CC2D2B: variants seen among roughly 807,000 people sequenced by gnomAD.
The protein encoded by CC2D2B is coiled-coil and C2 domain containing 2B, also known as protein CC2D2B.
CC2D2B carries 128 observed loss-of-function variants against 161.2 expected under a neutral mutation model. That is an observed-to-expected ratio of 0.79 (90% CI 0.69 to 0.92). The LOEUF is 0.92. Ranked by LOEUF, CC2D2B falls within the 40% of genes least tolerant of loss-of-function variation. The pLI is 0.00. For missense variants in CC2D2B, 1,173 were observed against 1,375.1 expected, an observed-to-expected ratio of 0.85 and a Z score of 2.32; for synonymous variants, 391 against 449.8, an observed-to-expected ratio of 0.87 and a Z score of 1.65.
chr10:95,915,084 G>A (rs1264344922), intron 2 of CC2D2B, among the ~76,000 whole-genome samples: 1 of 151,976 alleles, frequency 6.6e-6, no homozygotes, highest in Non-Finnish European at 1.5e-5. Context: ...ATCCTCTTCA[G>A]TTTCTTGCAT....
intron 24 of CC2D2B, among the ~76,000 whole-genome samples, chr10:95,996,535 G>GTATTACCAA: frequency 6.6e-6 from 1 of 152,018 alleles, no homozygotes. Flanking sequence ...ACCTTAGAAG[G>GTATTACCAA]CCCTTTGTGC....
Position 96,024,844 on chromosome 10 carries a change from C to A in CC2D2B, c.3889-9C>A. 1 of 1,466,004 alleles carries A rather than the reference C, an allele frequency of 6.8e-7. No individual in the cohort carries two copies. Among genetic ancestry groups the A allele is most frequent in the Non-Finnish European group, 9.3e-7 (1 of 1,072,258 alleles). The allele number at this position is 1,466,004 out of a possible 1,614,324, so 90.8% of individuals were successfully genotyped here. On this transcript the variant is annotated splice_polypyrimidine_tract_variant and intron_variant, in intron 32 of 34. Transcript: ENST00000646931. The stretch of plus-strand genomic sequence containing the variant: ...TAGAATCTATTCTAACTTTGGTTGT[C>A]TATTTCAGCCTGAAGAAATAATTTA...
intron 33 of CC2D2B, among the ~76,000 whole-genome samples, chr10:96,025,363 C>CAAAA (rs35860002): frequency 7.6e-5 from 4 of 52,476 alleles, no homozygotes; most frequent in African/African-American, 1.5e-4. Flanking sequence ...TGAGGCCTTG[C>CAAAA]AAAAAAAAAA....
At chr10:95,993,900 A>ATGTGTGTGTGTGTGTG (rs1270650458) in intron 22 of CC2D2B, among the ~76,000 whole-genome samples, 1 of 40,080 alleles carries the variant, frequency 2.5e-5, no homozygotes, top group Non-Finnish European at 5.3e-5. Flanking sequence ...GAGAGAGAGA[A>ATGTGTGTGTGTGTGTG]TGTGTGTGTG....
At chr10:96,023,613 C>T (rs1286605998) in intron 32 of CC2D2B, among the ~76,000 whole-genome samples, 1 of 152,210 alleles carries the variant, frequency 6.6e-6, no homozygotes, top group African/African-American at 2.4e-5. Context: ...GAATTCCGTC[C>T]ACCTATCCTG....
chr10:95,964,385 G>C (rs943937893), intron 12 of CC2D2B, among the ~76,000 whole-genome samples: 2 of 151,976 alleles, frequency 1.3e-5, no homozygotes, highest in Admixed American at 6.6e-5. Context: ...ATTAGTATGG[G>C]GTATGGTCTG....
chr10:95,984,935 A>G (rs1375439925), intron 19 of CC2D2B, among the ~76,000 whole-genome samples: 5 of 152,276 alleles, frequency 3.3e-5, no homozygotes, highest in African/African-American at 7.2e-5. Context: ...CTACTTTTCT[A>G]TATGTTTGAA....
At chr10:95,995,391 T>C in intron 23 of CC2D2B, 26 bp downstream of exon 23, 1 of 1,086,014 alleles carries the variant, frequency 9.2e-7, no homozygotes, top group Non-Finnish European at 1.3e-6. Context: ...TTCTATAAAG[T>C]ATAATATTGA....
chr10:95,969,017 A>T, intron 15 of CC2D2B, 116 bp downstream of exon 15: 1 of 414,182 alleles, frequency 2.4e-6, no homozygotes, highest in Non-Finnish European at 4.1e-6. Flanking sequence ...AGATGGACTG[A>T]TCTTTATGTG....
chr10:96,016,162 T>G, intron 29 of CC2D2B, 39 bp from the exon 30 acceptor site: 7 of 1,422,540 alleles, frequency 4.9e-6, no homozygotes, highest in Non-Finnish European at 6.9e-6. Flanking sequence ...TTTCCCGCAC[T>G]TTTCTTTTTT....
At chr10:95,950,439 C>G (rs930823117) in intron 10 of CC2D2B, 2 of 158,550 alleles carry the variant, frequency 1.3e-5, no homozygotes, top group African/African-American at 4.8e-5. Flanking sequence ...TATTAGAAAT[C>G]TTGACTCTCA....
rs1043825945 is a variant in CC2D2B at position 95,988,293 on chromosome 10, T to C, written c.2330T>C (p.Val777Ala). 2.4e-6 allele frequency: 3 copies of C among 1,227,962 alleles called. No homozygotes were observed. In the East Asian group the frequency reaches 9.5e-5, roughly 39 times the overall value. The allele number at this position is 1,227,962 out of a possible 1,614,324, so 76.1% of individuals were successfully genotyped here. The stretch of plus-strand genomic sequence containing the variant: ...GAGAAGGAGGTATCCGTTTCAGATG[T>C]AAATTCTATTACAGCACAAAGGATT... Reference protein sequence around the residue: ...QKEKEVSVSDVNSITAQRINS... With the variant: ...QKEKEVSVSDANSITAQRINS... Residue 777 changes from valine to alanine, a missense_variant, in exon 20 of 35, where the codon GTA (valine) becomes GCA (alanine). By Grantham distance (64) the Val-to-Ala change is moderately conservative. This residue lies in a region of CC2D2B where 277 missense variants were observed against 420.6 expected (regional missense o/e 0.66). Coordinates refer to ENST00000646931, the MANE Select transcript of CC2D2B (RefSeq NM_001349008.3).
chr10:95,985,024 T>C (rs1304266912), intron 19 of CC2D2B, among the ~76,000 whole-genome samples: 1 of 152,126 alleles, frequency 6.6e-6, no homozygotes, highest in Non-Finnish European at 1.5e-5. Context: ...ATTTAACAAA[T>C]ATATCACTTG....
At chr10:95,917,394 T>C (rs1006775931) in intron 2 of CC2D2B, among the ~76,000 whole-genome samples, 1 of 152,210 alleles carries the variant, frequency 6.6e-6, no homozygotes, top group Non-Finnish European at 1.5e-5. Context: ...GCAAGGACTT[T>C]ACTATTGCCA....
intron 6 of CC2D2B, among the ~76,000 whole-genome samples, chr10:95,928,110 A>G (rs1054966463): frequency 2.0e-5 from 3 of 152,060 alleles, no homozygotes; most frequent in African/African-American, 7.2e-5. Flanking sequence ...CCCCCTGTCA[A>G]GTCCCTCTGG....
intron 24 of CC2D2B, 22 bp downstream of exon 24, chr10:95,996,274 C>T: frequency 9.5e-7 from 1 of 1,051,094 alleles, no homozygotes. Flanking sequence ...TTCATTTTTC[C>T]ATAGCTCCTA....
At chr10:95,993,834 G>A (rs1486645076) in intron 22 of CC2D2B, among the ~76,000 whole-genome samples, 4 of 109,984 alleles carry the variant, frequency 3.6e-5, no homozygotes, top group African/African-American at 1.1e-4. Flanking sequence ...TATAAAGAGT[G>A]TATATATATA....
chr10:96,002,146 G>T (rs1370111613), intron 24 of CC2D2B, among the ~76,000 whole-genome samples: 1 of 152,088 alleles, frequency 6.6e-6, no homozygotes, highest in East Asian at 1.9e-4. Flanking sequence ...ACTTATAAGT[G>T]AACTAATGAG....
At chr10:95,977,618 A>G (rs2077366095) in intron 17 of CC2D2B, among the ~76,000 whole-genome samples, 1 of 152,078 alleles carries the variant, frequency 6.6e-6, no homozygotes, top group East Asian at 1.9e-4. Context: ...TGATTCTTTC[A>G]GTTAGTTTCT....
Sources: gnomAD v4.1 joint callset for allele counts (sites outside exome capture counted in the v4.1 genomes callset) on GRCh38, gnomAD v4.1.1 for gene constraint, gnomAD v4.1.1 regional missense constraint, MANE v1.5 for transcripts, NCBI Gene and HGNC (gene_info 2026-07-23, HGNC 2026-07-21) for gene names.